Variants in RBFOX1 observed in about 807,000 individuals in gnomAD.
RBFOX1 encodes RNA binding fox-1 homolog 1, also known as RNA binding protein fox-1 homolog 1.
RBFOX1 carries 8 observed loss-of-function variants against 57.7 expected under a neutral mutation model. That is an observed-to-expected ratio of 0.14 (90% CI 0.08 to 0.25). The LOEUF (loss-of-function observed/expected upper bound fraction) is 0.25, where lower values mean the gene tolerates loss of function less well. Among genes scored for constraint, RBFOX1 ranks in the 10% least tolerant of loss-of-function variants. The pLI is 1.00. For synonymous variants in RBFOX1, 326 were observed against 222.4 expected (o/e 1.47, Z -4.15); for missense variants, 611 against 548.5 (o/e 1.11, Z -1.14).
At chr16:5,824,277 T>C (rs1385143913) in intron 3 of RBFOX1, among the ~76,000 whole-genome samples, 2 of 152,218 alleles carry the variant, frequency 1.3e-5, no homozygotes, top group Non-Finnish European at 2.9e-5. Context: ...CCCACCATGA[T>C]GACAGCTGAG....
chr16:6,203,577 C>G (rs1432125625), intron 1 of RBFOX1, among the ~76,000 whole-genome samples: 1 of 152,112 alleles, frequency 6.6e-6, no homozygotes, highest in Non-Finnish European at 1.5e-5. Flanking sequence ...GAGATTCTGA[C>G]TTCAGTTCCC....
At chr16:5,850,258 A>G (rs930699171) in intron 3 of RBFOX1, among the ~76,000 whole-genome samples, 1 of 152,198 alleles carries the variant, frequency 6.6e-6, no homozygotes, top group Non-Finnish European at 1.5e-5. Flanking sequence ...TGAGTCTGAA[A>G]TCTCCTGGAG....
At chr16:6,517,174 G>T (rs2096396818) in intron 2 of RBFOX1, among the ~76,000 whole-genome samples, 2 of 152,030 alleles carry the variant, frequency 1.3e-5, no homozygotes, top group African/African-American at 4.8e-5. Flanking sequence ...TAGGTCCTTG[G>T]CTCGCTTCTG....
At chr16:5,444,595 C>G in intron 1 of RBFOX1, among the ~76,000 whole-genome samples, 1 of 152,122 alleles carries the variant, frequency 6.6e-6, no homozygotes, top group Admixed American at 6.5e-5. Flanking sequence ...ATCCCAGCCC[C>G]AGAAATTACG....
At chr16:5,962,468 G>T (rs1036954114) in intron 4 of RBFOX1, among the ~76,000 whole-genome samples, 1 of 152,022 alleles carries the variant, frequency 6.6e-6, no homozygotes. Context: ...TTCCCATTAT[G>T]TGGCATGCCT....
At chr16:6,209,963 G>GT (rs1241345630) in intron 1 of RBFOX1, among the ~76,000 whole-genome samples, 5 of 151,938 alleles carry the variant, frequency 3.3e-5, no homozygotes, top group Non-Finnish European at 5.9e-5. Flanking sequence ...CTTTTTGTTT[G>GT]TTTTTTTACT....
At chr16:5,357,023 T>C (rs1255048740) in intron 1 of RBFOX1, among the ~76,000 whole-genome samples, 2 of 152,184 alleles carry the variant, frequency 1.3e-5, no homozygotes, top group Non-Finnish European at 2.9e-5. Context: ...GATGGAGGCT[T>C]ACAGAGTTTA....
chr16:7,205,686 G>A (rs1038613334), intron 4 of RBFOX1, among the ~76,000 whole-genome samples: 8 of 152,222 alleles, frequency 5.3e-5, no homozygotes, highest in South Asian at 4.2e-4. Flanking sequence ...TAACATTGAC[G>A]TAAACTTGGT....
Position 7,630,502 on chromosome 16 carries a change from A to C in RBFOX1, c.677-101A>C, listed in dbSNP as rs557398812. 3.5e-5 allele frequency: 55 copies of C among 1,555,928 alleles called. No individual in the cohort carries two copies. In the Middle Eastern group the frequency reaches 5.3e-4, roughly 15 times the overall value. On this transcript the variant is annotated intron_variant, in intron 10 of 15. Transcript: ENST00000550418. ...TTGTCCTGCGCTCTGGGATGTGGCTATGTTTTCATTTCTCTGCATTTCTCG... is the reference window on the plus strand; with the variant it reads ...TTGTCCTGCGCTCTGGGATGTGGCTCTGTTTTCATTTCTCTGCATTTCTCG...
chr16:6,682,744 A>G (rs1368497729), intron 3 of RBFOX1, among the ~76,000 whole-genome samples: 1 of 152,098 alleles, frequency 6.6e-6, no homozygotes, highest in Non-Finnish European at 1.5e-5. Flanking sequence ...CGATGTTATC[A>G]TTACCAGTAG....
At chr16:6,783,269 A>G (rs62016082) in intron 3 of RBFOX1, among the ~76,000 whole-genome samples, 1 of 150,520 alleles carries the variant, frequency 6.6e-6, no homozygotes, top group Non-Finnish European at 1.5e-5. Context: ...TACTACCGCC[A>G]TTTAGTTGTT....
At chr16:7,145,714 T>C (rs1019970055) in intron 4 of RBFOX1, among the ~76,000 whole-genome samples, 1 of 152,210 alleles carries the variant, frequency 6.6e-6, no homozygotes, top group Non-Finnish European at 1.5e-5. Flanking sequence ...TTAAAAAATG[T>C]ATCTTTAAGC....
chr16:7,160,106 C>T (rs2077988930), intron 4 of RBFOX1, among the ~76,000 whole-genome samples: 1 of 151,972 alleles, frequency 6.6e-6, no homozygotes, highest in Non-Finnish European at 1.5e-5. Context: ...TTTCTTACCA[C>T]AACAGAATAT....
chr16:7,176,282 G>A (rs1299984004), intron 4 of RBFOX1, among the ~76,000 whole-genome samples: 1 of 150,524 alleles, frequency 6.6e-6, no homozygotes, highest in Non-Finnish European at 1.5e-5. Flanking sequence ...TAAGTGCTTA[G>A]CACCATTTTG....
intron 3 of RBFOX1, among the ~76,000 whole-genome samples, chr16:5,752,925 G>A (rs1294376774): frequency 6.6e-6 from 1 of 152,178 alleles, no homozygotes; most frequent in Non-Finnish European, 1.5e-5. Context: ...GAGGCAAGAG[G>A]ATCGCTTGAG....
chr16:7,613,733 C>A (rs981167129), intron 10 of RBFOX1, among the ~76,000 whole-genome samples: 3 of 152,088 alleles, frequency 2.0e-5, no homozygotes, highest in African/African-American at 4.8e-5. Flanking sequence ...CTCCCACTTC[C>A]ACCACCAAGA....
intron 3 of RBFOX1, among the ~76,000 whole-genome samples, chr16:6,826,835 T>A (rs2092209998): frequency 6.6e-6 from 1 of 152,200 alleles, no homozygotes; most frequent in South Asian, 2.1e-4. Flanking sequence ...TAAATTAATT[T>A]TAAATTGAAA....
chr16:6,745,977 A>G (rs1484006334), intron 3 of RBFOX1, among the ~76,000 whole-genome samples: 1 of 152,362 alleles, frequency 6.6e-6, no homozygotes, highest in East Asian at 1.9e-4. Flanking sequence ...ATATTTTTAT[A>G]TATTACACAA....
intron 9 of RBFOX1, among the ~76,000 whole-genome samples, chr16:7,598,431 A>G (rs1205513553): frequency 6.6e-6 from 1 of 152,154 alleles, no homozygotes; most frequent in African/African-American, 2.4e-5. Context: ...TTATTACATC[A>G]AAAGGAGATA....
Sources: allele counts gnomAD v4.1 joint callset (sites outside exome capture counted in the v4.1 genomes callset), GRCh38; gene constraint gnomAD v4.1.1; transcripts MANE v1.5; gene names NCBI Gene and HGNC (gene_info 2026-07-23, HGNC 2026-07-21).